The following GBE1 variants were observed in gnomAD, a reference collection of about 807,000 sequenced individuals.
GBE1 encodes the protein 1,4-alpha-glucan branching enzyme 1.
Under a neutral mutation model 88.8 loss-of-function variants are expected in GBE1, and 70 were observed. The ratio of observed to expected loss-of-function variants is 0.79; its 90% CI spans 0.65 to 0.96. The LOEUF is 0.96. Among genes scored for constraint, GBE1 ranks in the 40% least tolerant of loss-of-function variants. The pLI is 0.00. For synonymous variants in GBE1, 284 were observed against 300.1 expected (o/e 0.95, Z 0.56); for missense variants, 872 against 871.0 (o/e 1.00, Z -0.01).
Position 81,493,233 on chromosome 3 carries a change from T to C in GBE1, c.2053-2770A>G, listed in dbSNP as rs1437834547. On this transcript the variant is annotated intron_variant, in intron 15 of 15. Transcript: ENST00000429644. ...CTCTACATTGAAAACATTTCTCTTA[T>C]AGAGTATTGTCCTACAATGCAGGTA... Among the ~76,000 whole-genome samples the C allele has an allele frequency of 2.6e-5, 4 of 152,170 alleles. No individual in the cohort carries two copies. The East Asian group carries it at 5.8e-4, about 22-fold the overall frequency.
At chr3:81,661,314 A>C (rs1033952171) in intron 3 of GBE1, among the ~76,000 whole-genome samples, 2 of 152,218 alleles carry the variant, frequency 1.3e-5, no homozygotes, top group Admixed American at 6.5e-5. Flanking sequence ...TATGGAATCA[A>C]TGTTTACATT....
In GBE1 at chr3:81,509,532, A is replaced by G. The variant is rs1236677129; in HGVS notation, c.1935-10305T>C. The G allele has an allele frequency of 2.6e-5, 4 of 151,742 alleles. No homozygotes were observed. In the East Asian group the frequency reaches 7.7e-4, roughly 29 times the overall value. 9.4% of individuals were successfully genotyped at this position (151,742 alleles called of 1,614,324 possible). On this transcript the variant is annotated intron_variant, in intron 14 of 15. Transcript: ENST00000429644. ...TGTAGTATCTGTTCTTATCAGTTGA[A>G]TTTTTGTCTCTCACTATTAAAATAC...
intron 15 of GBE1, among the ~76,000 whole-genome samples, chr3:81,493,359 A>C (rs756573557): frequency 5.3e-5 from 8 of 152,136 alleles, no homozygotes; most frequent in Non-Finnish European, 8.8e-5. Context: ...TGCGTGTTAT[A>C]GTGACATATC....
At chr3:81,635,659 C>A (rs1576179505) in intron 7 of GBE1, among the ~76,000 whole-genome samples, 1 of 152,096 alleles carries the variant, frequency 6.6e-6, no homozygotes, top group Admixed American at 6.6e-5. Context: ...CCACTTTTAA[C>A]CTGCTTATTT....
intron 1 of GBE1, among the ~76,000 whole-genome samples, chr3:81,714,136 C>A (rs1705908419): frequency 6.6e-6 from 1 of 152,152 alleles, no homozygotes; most frequent in Non-Finnish European, 1.5e-5. Context: ...TGAAATTCCA[C>A]AAAGACTGGG....
chr3:81,495,110 C>T (rs1032032418), intron 15 of GBE1, among the ~76,000 whole-genome samples: 4 of 152,128 alleles, frequency 2.6e-5, no homozygotes, highest in East Asian at 1.9e-4. Flanking sequence ...TTCAGTGGGT[C>T]GGGCATAGTG....
chr3:81,625,463 G>A (rs890670717), intron 7 of GBE1, among the ~76,000 whole-genome samples: 28 of 151,188 alleles, frequency 1.9e-4, no homozygotes, highest in African/African-American at 5.1e-4. Context: ...TTTTTAGACT[G>A]TGTCTCACTC....
intron 2 of GBE1, among the ~76,000 whole-genome samples, chr3:81,700,725 AAC>A (rs1705675541): frequency 1.3e-5 from 2 of 152,156 alleles, no homozygotes; most frequent in South Asian, 4.1e-4. Flanking sequence ...GGCCCAAAAA[AAC>A]AGTTAAAAAC....
chr3:81,744,341 A>T (rs2107223614), intron 1 of GBE1, among the ~76,000 whole-genome samples: 1 of 152,262 alleles, frequency 6.6e-6, no homozygotes, highest in African/African-American at 2.4e-5. Context: ...TGAATAGTGT[A>T]AAAATTAGTT....
intron 1 of GBE1, among the ~76,000 whole-genome samples, chr3:81,745,731 T>A (rs1388136065): frequency 1.3e-5 from 2 of 152,186 alleles, no homozygotes; most frequent in Non-Finnish European, 2.9e-5. Flanking sequence ...AATGATAATT[T>A]GAATACATTA....
intron 2 of GBE1, among the ~76,000 whole-genome samples, chr3:81,675,755 A>G (rs1418702851): frequency 6.6e-6 from 1 of 152,062 alleles, no homozygotes; most frequent in East Asian, 1.9e-4. Context: ...ATGTGTGCTT[A>G]TTATTTCAGT....
chr3:81,612,326 A>T, intron 7 of GBE1: 1 of 858,176 alleles, frequency 1.2e-6, no homozygotes, highest in Admixed American at 1.9e-5. Context: ...CGTCAAATCC[A>T]TTCCAGATTT....
In GBE1 at chr3:81,614,761, A is replaced by G. The variant is rs151219971; in HGVS notation, c.993-20738T>C. Among the ~76,000 whole-genome samples, 647 of 152,312 alleles carry G rather than the reference A, an allele frequency of 4.2e-3. 6 individuals are homozygous for G. Among genetic ancestry groups the G allele is most frequent in the Middle Eastern group, 0.024 (7 of 294 alleles). ...GTAATCCCAGCTACTCAGGAGGCTGAGGCAGGAGAATCGCTTGAACCCAGG... is the reference window on the plus strand; with the variant it reads ...GTAATCCCAGCTACTCAGGAGGCTGGGGCAGGAGAATCGCTTGAACCCAGG... On this transcript the variant is annotated intron_variant, in intron 7 of 15. Transcript: ENST00000429644.
At chr3:81,743,435 C>A in intron 1 of GBE1, 1 of 663,478 alleles carries the variant, frequency 1.5e-6, no homozygotes, top group South Asian at 1.8e-5. Flanking sequence ...CAATCATGAA[C>A]ACACATACAC....
At chr3:81,526,039 A>T (rs972673091) in intron 14 of GBE1, among the ~76,000 whole-genome samples, 7 of 151,866 alleles carry the variant, frequency 4.6e-5, no homozygotes, top group African/African-American at 1.4e-4. Context: ...CCTTCAGTTC[A>T]GCTCTGATCA....
intron 5 of GBE1, among the ~76,000 whole-genome samples, chr3:81,648,409 T>C (rs1009442559): frequency 3.9e-5 from 6 of 152,098 alleles, no homozygotes; most frequent in African/African-American, 1.4e-4. Context: ...ATTCTATAAA[T>C]GTTTGTTAAA....
intron 3 of GBE1, 171 bp from the exon 4 acceptor site, chr3:81,650,092 C>T (rs1704823270): frequency 2.0e-6 from 1 of 498,962 alleles, no homozygotes; most frequent in Non-Finnish European, 3.5e-6. Flanking sequence ...TTGGTTTTCT[C>T]ATCTGCTGTT....
At chr3:81,501,961 A>T (rs925364682) in intron 14 of GBE1, among the ~76,000 whole-genome samples, 3 of 150,484 alleles carry the variant, frequency 2.0e-5, no homozygotes, top group African/African-American at 7.3e-5. Context: ...GGCCTCTTAA[A>T]GTGCTGGGAT....
rs1228860479 is a variant in GBE1 at position 81,750,655 on chromosome 3, ATATG to A, written c.143+10716_143+10719del. On this transcript the variant is annotated intron_variant, in intron 1 of 15. Transcript: ENST00000429644. ...CGTATATATATATATGTATATATAT[ATATG>A]TATATATATATATACGTATATATAT... is the stretch of plus-strand genomic sequence containing the variant. 5.9e-3 allele frequency among the ~76,000 whole-genome samples: 321 copies of A among 54,626 alleles called. 26 individuals are homozygous for A. The highest frequency in any genetic ancestry group is 0.029 in the East Asian group (15 of 510). The allele number at this position is 54,626 out of a possible 152,430, so 35.8% of individuals were successfully genotyped here.
Sources: allele counts gnomAD v4.1 joint callset (sites outside exome capture counted in the v4.1 genomes callset), GRCh38; gene constraint gnomAD v4.1.1; transcripts MANE v1.5; gene names NCBI Gene and HGNC (gene_info 2026-07-23, HGNC 2026-07-21).